The following AFF2 variants were observed in gnomAD, a reference collection of about 807,000 sequenced individuals.
AFF2 encodes ALF transcription elongation factor 2.
A neutral mutation model predicts 76.9 loss-of-function variants in AFF2; 14 were observed. The ratio of observed to expected loss-of-function variants is 0.18; its 90% CI spans 0.12 to 0.28. The LOEUF (loss-of-function observed/expected upper bound fraction) is 0.28, where lower values mean the gene tolerates loss of function less well. Among genes scored for constraint, AFF2 ranks in the 10% least tolerant of loss-of-function variants. The pLI is 1.00. For synonymous variants in AFF2, 398 were observed against 366.7 expected, an observed-to-expected ratio of 1.09 and a Z score of -0.98; for missense variants, 868 against 1,001.1, an observed-to-expected ratio of 0.87 and a Z score of 1.79.
At chrX:148,792,992 C>T (rs1352572117) in intron 3 of AFF2, among the ~76,000 whole-genome samples, 3 of 111,833 alleles carry the variant, frequency 2.7e-5, no homozygotes, top group Non-Finnish European at 5.6e-5. Flanking sequence ...TTAATAAGTA[C>T]TATTATTTTC....
chrX:148,718,645 G>A (rs2055054433), intron 3 of AFF2, among the ~76,000 whole-genome samples: 1 of 111,713 alleles, frequency 9.0e-6, no homozygotes, highest in African/African-American at 3.2e-5. Context: ...CATAAAAGCG[G>A]TTATCAAGAA....
intron 1 of AFF2, among the ~76,000 whole-genome samples, chrX:148,576,338 A>G (rs2053287226): frequency 8.9e-6 from 1 of 111,847 alleles, no homozygotes; most frequent in Non-Finnish European, 1.9e-5. Flanking sequence ...CAGAGGAATG[A>G]GCAGAGTCTA....
Position 148,785,166 on chromosome X carries a change from T to G in AFF2, c.1042-24710T>G, listed in dbSNP as rs543147946. Among the ~76,000 whole-genome samples, 14 of 112,252 alleles carry G rather than the reference T, an allele frequency of 1.2e-4. No homozygotes were observed. In the South Asian group the frequency reaches 4.9e-3, roughly 39 times the overall value. On this transcript the variant is annotated intron_variant, in intron 3 of 20. Coordinates refer to ENST00000370460, the MANE Select transcript of AFF2 (RefSeq NM_002025.4). ...ACACAGAGTCACACAGAAACTAGTT[T>G]GTAGGGCTCGCTCTACTCATCTTTT...
At chrX:148,676,350 A>AT (rs1432115733) in intron 3 of AFF2, among the ~76,000 whole-genome samples, 1 of 111,823 alleles carries the variant, frequency 8.9e-6, no homozygotes, top group Non-Finnish European at 1.9e-5. Context: ...CCGGCCCGTG[A>AT]TTTTTTTAAA....
In AFF2 at chrX:148,973,618, T is replaced by C. The variant is rs199752646; in HGVS notation, c.3404+11T>C. The C allele has an allele frequency of 8.4e-7, 1 of 1,193,394 alleles. No homozygotes were observed. The highest frequency in any genetic ancestry group is 2.2e-5 in the Admixed American group (1 of 45,346). On this transcript the variant is annotated intron_variant, in intron 16 of 20. Coordinates refer to ENST00000370460, the MANE Select transcript of AFF2 (RefSeq NM_002025.4). The stretch of plus-strand genomic sequence containing the variant: ...TGTGGAGCTCCTCAGGTGAATAGCC[T>C]TTCTGCAATCATCTTCCTACACTCA...
intron 1 of AFF2, among the ~76,000 whole-genome samples, chrX:148,574,720 C>T (rs1281440258): frequency 1.8e-5 from 2 of 111,072 alleles, no homozygotes; most frequent in African/African-American, 6.5e-5. Context: ...AGTCTTTACC[C>T]AACTGCTAAT....
At chrX:148,907,859 C>T (rs1197414734) in intron 9 of AFF2, among the ~76,000 whole-genome samples, 4 of 110,609 alleles carry the variant, frequency 3.6e-5, no homozygotes, top group Non-Finnish European at 5.7e-5. Flanking sequence ...AGCCTGGGAG[C>T]GCTATGGGAG....
intron 3 of AFF2, among the ~76,000 whole-genome samples, chrX:148,677,778 C>G (rs1320274297): frequency 8.9e-6 from 1 of 111,818 alleles, no homozygotes; most frequent in Admixed American, 9.5e-5. Context: ...TCCCTCAGTC[C>G]CTATGATAAA....
intron 3 of AFF2, among the ~76,000 whole-genome samples, chrX:148,759,099 C>T (rs1280004407): frequency 1.8e-5 from 2 of 111,953 alleles, no homozygotes; most frequent in East Asian, 5.6e-4. Flanking sequence ...GGAGTACCAA[C>T]AACAGTCCTG....
rs1265394 is a variant in AFF2, at chrX:148,835,476, G to T, written c.1087-2171G>T. ...TCAAGTTAATTTACATATCCATCAC[G>T]TCACATACTTTTTTTTTTTTTTTTT... On this transcript the variant is annotated intron_variant, in intron 4 of 20. Coordinates refer to ENST00000370460, the MANE Select transcript of AFF2 (RefSeq NM_002025.4). Among the ~76,000 whole-genome samples, 3 of 102,443 alleles carry T rather than the reference G, an allele frequency of 2.9e-5. No individual in the cohort carries two copies. The Admixed American group carries it at 3.3e-4, about 11-fold the overall frequency. The allele number at this position is 102,443 out of a possible 115,157, so 89.0% of individuals were successfully genotyped here.
At chrX:148,513,737 A>C (rs1362341626) in intron 1 of AFF2, among the ~76,000 whole-genome samples, 1 of 111,316 alleles carries the variant, frequency 9.0e-6, no homozygotes, top group Admixed American at 9.6e-5. Flanking sequence ...TATTCTGCAA[A>C]ATTTATGAGA....
intron 6 of AFF2, 119 bp downstream of exon 6, chrX:148,843,121 T>C: frequency 1.7e-6 from 1 of 587,068 alleles, no homozygotes; most frequent in Non-Finnish European, 2.6e-6. Flanking sequence ...CAAAAAGTTA[T>C]TTTAATTGTT....
intron 3 of AFF2, among the ~76,000 whole-genome samples, chrX:148,681,664 G>GAA: frequency 9.8e-6 from 1 of 102,322 alleles, no homozygotes; most frequent in African/African-American, 3.6e-5. Flanking sequence ...AAGAAAGAAA[G>GAA]AGAAAGAAAG....
intron 8 of AFF2, among the ~76,000 whole-genome samples, chrX:148,900,161 A>G (rs1354735379): frequency 9.0e-6 from 1 of 111,251 alleles, no homozygotes; most frequent in Non-Finnish European, 1.9e-5. Flanking sequence ...AGCACCTTTT[A>G]TGTCATATTT....
intron 9 of AFF2, among the ~76,000 whole-genome samples, chrX:148,947,474 A>G (rs890230854): frequency 1.8e-5 from 2 of 111,905 alleles, no homozygotes; most frequent in South Asian, 7.5e-4. Context: ...TCGGTTTTAT[A>G]TATTATTCTT....
intron 16 of AFF2, among the ~76,000 whole-genome samples, chrX:148,977,079 A>G (rs2072334943): frequency 8.9e-6 from 1 of 112,250 alleles, no homozygotes; most frequent in South Asian, 3.7e-4. Context: ...GCCTTCTTAT[A>G]AATGAGAACT....
At chrX:148,691,567 A>G (rs781986372) in intron 3 of AFF2, among the ~76,000 whole-genome samples, 1 of 111,462 alleles carries the variant, frequency 9.0e-6, no homozygotes, top group African/African-American at 3.3e-5. Flanking sequence ...TGAGGAGCCA[A>G]ATCATGAAGT....
chrX:148,815,338 A>C (rs1557272084), intron 4 of AFF2, among the ~76,000 whole-genome samples: 3 of 111,621 alleles, frequency 2.7e-5, no homozygotes, highest in African/African-American at 9.8e-5. Flanking sequence ...TGACTGGGTA[A>C]ATTATGTGCA....
intron 1 of AFF2, among the ~76,000 whole-genome samples, chrX:148,633,961 G>T (rs2054004286): frequency 8.9e-6 from 1 of 111,926 alleles, no homozygotes; most frequent in Non-Finnish European, 1.9e-5. Context: ...AGAGAAAAGA[G>T]CACTAAATGA....
Sources: gnomAD v4.1 joint callset for allele counts (sites outside exome capture counted in the v4.1 genomes callset) on GRCh38, gnomAD v4.1.1 for gene constraint, MANE v1.5 for transcripts, NCBI Gene and HGNC (gene_info 2026-07-23, HGNC 2026-07-21) for gene names.